The following CPVL variants were observed in gnomAD, a reference collection of about 807,000 sequenced individuals.
CPVL encodes the protein carboxypeptidase vitellogenic like.
CPVL carries 51 observed loss-of-function variants against 63.7 expected under a neutral mutation model. The observed-to-expected ratio is 0.80, with a 90% CI of 0.64 to 1.01. The LOEUF (loss-of-function observed/expected upper bound fraction) is 1.01, where lower values mean the gene tolerates loss of function less well. Among genes scored for constraint, CPVL ranks in the 50% least tolerant of loss-of-function variants. CPVL has a pLI of 0.00. For synonymous variants in CPVL, 195 were observed against 206.0 expected, an observed-to-expected ratio of 0.95 and a Z score of 0.46; for missense variants, 530 against 573.1, an observed-to-expected ratio of 0.92 and a Z score of 0.77.
In CPVL at chr7:29,092,505, T is replaced by C. The variant is rs1469131596; in HGVS notation, c.542+118A>G. 16 of 663,442 alleles carry C rather than the reference T, an allele frequency of 2.4e-5. 1 individual carries two copies. In the Middle Eastern group the frequency reaches 1.5e-3, roughly 61 times the overall value. 41.1% of individuals were successfully genotyped at this position (663,442 alleles called of 1,614,324 possible). On this transcript the variant is annotated intron_variant, in intron 6 of 12. Transcript: ENST00000265394. The stretch of plus-strand genomic sequence containing the variant: ...GATGTGAAAATATCCTTAAATTATC[T>C]TCAGGAATTGGACTATAAGGCTCAG...
At chr7:29,149,018 C>T (rs1489483217), upstream of CPVL, among the ~76,000 whole-genome samples, 1 of 152,088 alleles carries the variant, frequency 6.6e-6, no homozygotes, top group Non-Finnish European at 1.5e-5. Flanking sequence ...CAGGTTGATG[C>T]TGTGCTCTTG....
intron 1 of CPVL, among the ~76,000 whole-genome samples, chr7:29,139,568 A>G (rs1243754113): frequency 6.6e-6 from 1 of 152,168 alleles, no homozygotes; most frequent in Non-Finnish European, 1.5e-5. Context: ...ATTAAATTAC[A>G]TGTTTTTTAA....
At chr7:29,018,441 C>T (rs563547952) in intron 12 of CPVL, among the ~76,000 whole-genome samples, 21 of 146,424 alleles carry the variant, frequency 1.4e-4, no homozygotes, top group South Asian at 4.3e-4. Context: ...TGCAGTGGCG[C>T]GATCTCAGCT....
chr7:29,165,494 GT>G (rs1402550367), intron 5 of CPVL, among the ~76,000 whole-genome samples: 1 of 152,048 alleles, frequency 6.6e-6, no homozygotes, highest in Admixed American at 6.5e-5. Context: ...CATGTTGTCT[GT>G]TAATAGAGAC....
intron 11 of CPVL, among the ~76,000 whole-genome samples, chr7:29,058,272 G>A (rs2128180539): frequency 6.6e-6 from 1 of 152,106 alleles, no homozygotes; most frequent in African/African-American, 2.4e-5. Flanking sequence ...TTTCATTTTT[G>A]AAGGGTGCTA....
intron 7 of CPVL, among the ~76,000 whole-genome samples, chr7:29,079,695 G>T (rs1490869719): frequency 6.6e-6 from 1 of 152,212 alleles, no homozygotes; most frequent in Non-Finnish European, 1.5e-5. Context: ...CTAACAGGAT[G>T]ATGGTACAGG....
At position 29,039,376 on chromosome 7, in the gene CPVL, G is replaced by A. The variant is rs1180430283; in HGVS notation, c.1138-8617C>T. Among the ~76,000 whole-genome samples the A allele has an allele frequency of 2.6e-5, 4 of 152,242 alleles. No homozygotes were observed. In the South Asian group the frequency reaches 6.2e-4, roughly 24 times the overall value. On this transcript the variant is annotated intron_variant, in intron 11 of 12. Coordinates refer to ENST00000265394, the MANE Select transcript of CPVL (RefSeq NM_031311.5). ...AGGCAGATATAAAGCAACCATTTTAGCCAAAGATACCTGCAGAAGAGTACG... is the reference window on the plus strand; with the variant it reads ...AGGCAGATATAAAGCAACCATTTTAACCAAAGATACCTGCAGAAGAGTACG...
At chr7:29,117,451 C>A (rs1450176443) in intron 2 of CPVL, among the ~76,000 whole-genome samples, 1 of 152,194 alleles carries the variant, frequency 6.6e-6, no homozygotes, top group East Asian at 1.9e-4. Context: ...TCATTTGGTA[C>A]GCACAGACCT....
intron 3 of CPVL, among the ~76,000 whole-genome samples, chr7:29,098,799 G>A (rs867253747): frequency 1.2e-4 from 18 of 152,130 alleles, no homozygotes; most frequent in Admixed American, 4.6e-4. Context: ...ACGGTGGCTC[G>A]TGCCTGTAAT....
At chr7:29,065,894 C>T in intron 10 of CPVL, 129 bp downstream of exon 10, 1 of 550,056 alleles carries the variant, frequency 1.8e-6, no homozygotes, top group Non-Finnish European at 3.2e-6. Flanking sequence ...TAGTAGACCA[C>T]ATCACGCGGT....
At chr7:29,039,787 G>C (rs1788892810) in intron 11 of CPVL, among the ~76,000 whole-genome samples, 1 of 152,186 alleles carries the variant, frequency 6.6e-6, no homozygotes, top group South Asian at 2.1e-4. Context: ...TGGTATCTCA[G>C]CACAACAGGA....
rs150845334 is a variant in CPVL, at chr7:29,029,169, G to T, written c.1320+1408C>A. Among the ~76,000 whole-genome samples, 8 of 152,164 alleles carry T rather than the reference G, an allele frequency of 5.3e-5. No individual in the cohort carries two copies. The East Asian group carries it at 1.5e-3, about 29-fold the overall frequency. ...ACAAAAAATAACAGATGCTGATGAG[G>T]ATGCAGAGAAAATGAACTCATACAC... On this transcript the variant is annotated intron_variant, in intron 12 of 12. Transcript: ENST00000265394.
At chr7:29,185,689 A>G (rs1798620956) in intron 2 of CPVL, 1 of 151,978 alleles carries the variant, frequency 6.6e-6, no homozygotes, top group Non-Finnish European at 1.5e-5. Context: ...TGATCTCGGC[A>G]TTGGGATTTC....
intron 3 of CPVL, among the ~76,000 whole-genome samples, chr7:29,111,098 T>C (rs867994531): frequency 1.3e-5 from 2 of 152,228 alleles, no homozygotes. Flanking sequence ...AATTGTGAAA[T>C]AAAATGTGCG....
rs147164686 is a variant in CPVL, at chr7:29,159,705, C to T, written c.-11+21585G>A. The stretch of plus-strand genomic sequence containing the variant: ...CCCCTATTTAACCTACCTCACAGCA[C>T]ACATCCTGGGATTACTGATCCCTTT... On this transcript the variant is annotated intron_variant, in intron 5 of 16. Coordinates refer to the CPVL transcript ENST00000409850. Among the ~76,000 whole-genome samples the T allele has an allele frequency of 3.2e-4, 49 of 152,256 alleles. 1 individual carries two copies. Among genetic ancestry groups the T allele is most frequent in the African/African-American group, 1.1e-3 (44 of 41,554 alleles).
In CPVL at chr7:29,096,184, G is replaced by A; in HGVS notation, c.322C>T (p.Leu108=). 6.2e-7 allele frequency: 1 copy of A among 1,614,172 alleles called. No homozygotes were observed. Among genetic ancestry groups the A allele is most frequent in the Non-Finnish European group, 8.5e-7 (1 of 1,180,014 alleles). The change falls in exon 4 of 13, where the codon CTA becomes TTA. Residue 108 remains leucine (L), a synonymous_variant. Transcript: ENST00000265394. ...QPEDAPVVLW[L]QGGPGGSSMF... is the part of the protein sequence containing the mutation. ...GATGAACCTCCCGGCCCACCCTGTA[G>A]CCAGAGAACTACTGGGGCATCTTCT... is the stretch of plus-strand genomic sequence containing the variant.
At chr7:29,057,865 G>A (rs1218954416) in intron 11 of CPVL, among the ~76,000 whole-genome samples, 1 of 152,054 alleles carries the variant, frequency 6.6e-6, no homozygotes. Context: ...CAACCTATTT[G>A]CCTATTCTTT....
rs903921488 is a variant in CPVL, at chr7:29,140,277, TCAAA to T, written c.-11+6148_-11+6151del. Among the ~76,000 whole-genome samples, 33 of 151,470 alleles carry T rather than the reference TCAAA, an allele frequency of 2.2e-4. 1 individual carries two copies. The highest frequency in any genetic ancestry group is 1.3e-3 in the Admixed American group (20 of 15,264). On this transcript the variant is annotated intron_variant, in intron 1 of 12. Coordinates refer to ENST00000265394, the MANE Select transcript of CPVL (RefSeq NM_031311.5). ...CAATGTGGCAAGACCCTGTCTCACA[TCAAA>T]CAAACAAACAAACAGGCTTCTACCC...
chr7:29,073,008 C>A (rs1783896155), intron 7 of CPVL, among the ~76,000 whole-genome samples: 1 of 152,292 alleles, frequency 6.6e-6, no homozygotes, highest in Middle Eastern at 3.4e-3. Context: ...GGTAACGGTT[C>A]TACTTTAAGA....
Sources: gnomAD v4.1 joint callset for allele counts (sites outside exome capture counted in the v4.1 genomes callset) on GRCh38, gnomAD v4.1.1 for gene constraint, MANE v1.5 for transcripts, NCBI Gene and HGNC (gene_info 2026-07-23, HGNC 2026-07-21) for gene names.